Variants in IL1RAP observed in about 807,000 individuals in gnomAD.
IL1RAP encodes the protein interleukin-1 receptor accessory protein.
Under a neutral mutation model 60.7 loss-of-function variants are expected in IL1RAP, and 35 were observed. That is an observed-to-expected ratio of 0.58 (90% CI 0.44 to 0.76). The LOEUF is 0.76. Among genes scored for constraint, IL1RAP ranks in the 30% least tolerant of loss-of-function variants. IL1RAP has a pLI of 0.00. For missense variants in IL1RAP, 572 were observed against 693.9 expected, an observed-to-expected ratio of 0.82 and a Z score of 1.97; for synonymous variants, 268 against 250.9, an observed-to-expected ratio of 1.07 and a Z score of -0.64.
intron 2 of IL1RAP, among the ~76,000 whole-genome samples, chr3:190,560,373 G>A (rs1298427037): frequency 6.6e-6 from 1 of 152,202 alleles, no homozygotes; most frequent in Non-Finnish European, 1.5e-5. Context: ...CAGTGGGCAG[G>A]TCATAGAAAA....
chr3:190,558,578 A>G (rs1725625200), intron 2 of IL1RAP, among the ~76,000 whole-genome samples: 1 of 152,306 alleles, frequency 6.6e-6, no homozygotes, highest in Non-Finnish European at 1.5e-5. Context: ...TGACTTTTGC[A>G]TATCGTTTTG....
chr3:190,596,275 C>G (rs1018928022), intron 3 of IL1RAP, among the ~76,000 whole-genome samples: 1 of 152,180 alleles, frequency 6.6e-6, no homozygotes, highest in East Asian at 1.9e-4. Flanking sequence ...ATATGAAGAG[C>G]TTTTCTGTGG....
At chr3:190,597,092 C>T (rs1729442824) in intron 3 of IL1RAP, among the ~76,000 whole-genome samples, 1 of 152,244 alleles carries the variant, frequency 6.6e-6, no homozygotes, top group Admixed American at 6.5e-5. Flanking sequence ...CACACATATT[C>T]ATTTGGTCCA....
intron 8 of IL1RAP, 110 bp from the exon 9 acceptor site, chr3:190,629,240 C>A: frequency 1.4e-6 from 1 of 696,944 alleles, no homozygotes; most frequent in Non-Finnish European, 2.4e-6. Flanking sequence ...CAACCTTCCT[C>A]GCCCTCACCT....
At chr3:190,629,817 A>G (rs1399130092) in intron 9 of IL1RAP, 2 of 1,027,370 alleles carry the variant, frequency 1.9e-6, no homozygotes, top group African/African-American at 1.7e-5. Context: ...GCTACCAAAG[A>G]TAGAAAAAAC....
intron 5 of IL1RAP, among the ~76,000 whole-genome samples, chr3:190,618,508 C>A (rs1487924014): frequency 6.6e-6 from 1 of 152,166 alleles, no homozygotes; most frequent in Admixed American, 6.5e-5. Flanking sequence ...ATCTCTGTCT[C>A]ATTTTTTCCG....
intron 1 of IL1RAP, among the ~76,000 whole-genome samples, chr3:190,546,060 A>G (rs1724343627): frequency 2.0e-5 from 3 of 152,124 alleles, no homozygotes; most frequent in Non-Finnish European, 4.4e-5. Context: ...GTGACTATGC[A>G]TCGGTATGAT....
intron 3 of IL1RAP, among the ~76,000 whole-genome samples, chr3:190,570,574 TTTA>T (rs869155763): frequency 6.6e-6 from 1 of 152,118 alleles, no homozygotes; most frequent in Non-Finnish European, 1.5e-5. Context: ...TATTTATTTA[TTTA>T]TTTTTTGAGA....
intron 4 of IL1RAP, among the ~76,000 whole-genome samples, chr3:190,605,095 T>C (rs1241915020): frequency 1.3e-5 from 2 of 152,090 alleles, no homozygotes; most frequent in Non-Finnish European, 2.9e-5. Flanking sequence ...CTCCCAAATA[T>C]TATTTTGGGA....
chr3:190,644,022 T>C (rs184223698), intron 9 of IL1RAP: 21 of 464,578 alleles, frequency 4.5e-5, no homozygotes, highest in Non-Finnish European at 3.4e-5. Context: ...TCAAAGACTA[T>C]TCAAATAAAA....
chr3:190,610,578 CAGTG>C (rs1042376874), intron 5 of IL1RAP, among the ~76,000 whole-genome samples: 6 of 151,864 alleles, frequency 4.0e-5, no homozygotes, highest in African/African-American at 9.7e-5. Context: ...ATAAAGTAGA[CAGTG>C]AGGATTACCA....
exon 12 of IL1RAP, chr3:190,657,664 A>ACATTTT (rs1480865571): frequency 6.6e-6 from 1 of 152,208 alleles, no homozygotes; most frequent in African/African-American, 2.4e-5. Flanking sequence ...TTCTCTGTAA[A>ACATTTT]CATTTTCATA....
At chr3:190,547,821 A>C (rs1724508126) in intron 1 of IL1RAP, among the ~76,000 whole-genome samples, 5 of 152,202 alleles carry the variant, frequency 3.3e-5, no homozygotes, top group Admixed American at 3.3e-4. Context: ...ATATGTGGCC[A>C]ATGTTATAGC....
rs571691493 is a variant in IL1RAP at position 190,639,374 on chromosome 3, AT to A, written c.1052-4873del. ...TCTGTGTTTGTGTAGTTTCCAATGT[AT>A]GCTGGCCATTTTCTTTGTGATGTCT... On this transcript the variant is annotated intron_variant, in intron 9 of 11. Transcript: ENST00000447382. Among the ~76,000 whole-genome samples the A allele has an allele frequency of 3.9e-3, 591 of 152,114 alleles. 1 individual carries two copies. The highest frequency in any genetic ancestry group is 0.014 in the African/African-American group (572 of 41,500).
At chr3:190,645,247 A>G (rs1322013069) in intron 10 of IL1RAP, among the ~76,000 whole-genome samples, 1 of 152,226 alleles carries the variant, frequency 6.6e-6, no homozygotes, top group Non-Finnish European at 1.5e-5. Flanking sequence ...TTCGTGAAAG[A>G]TTGGTCCATT....
intron 5 of IL1RAP, among the ~76,000 whole-genome samples, chr3:190,614,254 G>A (rs1450875524): frequency 6.6e-6 from 1 of 150,562 alleles, no homozygotes; most frequent in African/African-American, 2.4e-5. Flanking sequence ...AAGTCTATGA[G>A]GATTAAAAGA....
At chr3:190,556,389 T>G (rs1351875854) in intron 2 of IL1RAP, among the ~76,000 whole-genome samples, 173 bp downstream of exon 2, 2 of 152,066 alleles carry the variant, frequency 1.3e-5, no homozygotes, top group African/African-American at 4.8e-5. Context: ...TATATATATA[T>G]GTATGTATAC....
At chr3:190,551,508 G>C (rs1182473025) in intron 1 of IL1RAP, among the ~76,000 whole-genome samples, 1 of 152,154 alleles carries the variant, frequency 6.6e-6, no homozygotes, top group African/African-American at 2.4e-5. Context: ...TTCAAAATAA[G>C]TTTCTTTGAC....
chr3:190,602,869 C>G lies in IL1RAP; in HGVS notation c.65-1259C>G, dbSNP rs1729978363. Among the ~76,000 whole-genome samples, 3 of 152,148 alleles carry G rather than the reference C, an allele frequency of 2.0e-5. No homozygotes were observed. The South Asian group carries it at 6.2e-4, about 32-fold the overall frequency. Reference sequence around the variant, plus strand: ...ATATGTTAGGGACATGAGGAAAAAACTACTTTAAGGTGATGGTTTTGTGGT... The same window carrying G: ...ATATGTTAGGGACATGAGGAAAAAAGTACTTTAAGGTGATGGTTTTGTGGT... On this transcript the variant is annotated intron_variant, in intron 3 of 11. Coordinates refer to ENST00000447382, the MANE Select transcript of IL1RAP (RefSeq NM_002182.4).
Sources: allele counts gnomAD v4.1 joint callset (sites outside exome capture counted in the v4.1 genomes callset), GRCh38; gene constraint gnomAD v4.1.1; transcripts MANE v1.5; gene names NCBI Gene and HGNC (gene_info 2026-07-23, HGNC 2026-07-21).